RYR2: variants seen among roughly 807,000 people sequenced by gnomAD.
RYR2 encodes the protein cardiac muscle ryanodine receptor-calcium release channel.
RYR2 carries 227 observed loss-of-function variants against 601.1 expected under a neutral mutation model. The observed-to-expected ratio is 0.38, with a 90% CI of 0.34 to 0.42. The LOEUF (loss-of-function observed/expected upper bound fraction) is 0.42, where lower values mean the gene tolerates loss of function less well. RYR2 is among the 10% of genes least tolerant of loss of function. The probability of loss-of-function intolerance (pLI) is 1.00; values close to 1 mark genes in which losing one functional copy is unlikely to be tolerated. For missense variants in RYR2, 4,646 were observed against 6,156.5 expected (o/e 0.75, Z 8.21); for synonymous variants, 2,223 against 2,175.1 (o/e 1.02, Z -0.61).
chr1:237,515,866 TTC>T (rs1666458373), intron 24 of RYR2, among the ~76,000 whole-genome samples: 2 of 143,480 alleles, frequency 1.4e-5, no homozygotes, highest in African/African-American at 5.2e-5. Context: ...CTCTTCTCTC[TTC>T]TTTTCCTTCC....
At chr1:237,376,480 C>T (rs1264095608) in intron 7 of RYR2, among the ~76,000 whole-genome samples, 1 of 151,324 alleles carries the variant, frequency 6.6e-6, no homozygotes, top group Non-Finnish European at 1.5e-5. Flanking sequence ...TATGGAAACA[C>T]CATAAAGTTG....
chr1:237,776,462 TGTCA>T (rs1285176524), intron 87 of RYR2, among the ~76,000 whole-genome samples: 1 of 152,298 alleles, frequency 6.6e-6, no homozygotes, highest in Non-Finnish European at 1.5e-5. Context: ...AATAAAATCA[TGTCA>T]GTCACTTTGT....
intron 25 of RYR2, among the ~76,000 whole-genome samples, chr1:237,547,295 T>C (rs887208396): frequency 1.3e-4 from 20 of 152,266 alleles, no homozygotes; most frequent in Admixed American, 5.9e-4. Context: ...TGTGAGCCAC[T>C]GTGCCCGGCC....
chr1:237,173,852 C>A (rs1558366927), intron 1 of RYR2, among the ~76,000 whole-genome samples: 2 of 151,700 alleles, frequency 1.3e-5, no homozygotes, highest in Non-Finnish European at 2.9e-5. Flanking sequence ...GTCAGGAGAT[C>A]GAGACCATCC....
At chr1:237,549,268 AAAGAC>A (rs1200793567) in intron 26 of RYR2, among the ~76,000 whole-genome samples, 2 of 152,184 alleles carry the variant, frequency 1.3e-5, no homozygotes, top group African/African-American at 2.4e-5. Context: ...GGAAGGAAGA[AAAGAC>A]AAGACAAAAC....
chr1:237,130,841 A>C (rs1234516521), intron 1 of RYR2, among the ~76,000 whole-genome samples: 3 of 152,176 alleles, frequency 2.0e-5, no homozygotes, highest in Non-Finnish European at 4.4e-5. Context: ...TATATGATCA[A>C]TTTTTTTAGA....
At position 237,802,013 on chromosome 1, in the gene RYR2, C is replaced by T. The variant is rs10925511; in HGVS notation, c.14151+97C>T. On this transcript the variant is annotated intron_variant, in intron 98 of 104. Coordinates refer to ENST00000366574, the MANE Select transcript of RYR2 (RefSeq NM_001035.3). ...AAGGCTGGTTATTTAGAAAATGTTT[C>T]GAATACCAATTCATTTCATACAGAC... 424 of 702,262 alleles carry T rather than the reference C, an allele frequency of 6.0e-4. No homozygotes were observed. In the African/African-American group the frequency reaches 6.7e-3, roughly 11 times the overall value. The allele number at this position is 702,262 out of a possible 1,614,324, so 43.5% of individuals were successfully genotyped here.
intron 1 of RYR2, among the ~76,000 whole-genome samples, chr1:237,233,346 T>G (rs987691229): frequency 6.6e-6 from 1 of 152,202 alleles, no homozygotes; most frequent in South Asian, 2.1e-4. Context: ...TTTTTCCTTC[T>G]TGCAGTTTCT....
chr1:237,670,927 A>G (rs555315907), intron 58 of RYR2, among the ~76,000 whole-genome samples: 91 of 152,328 alleles, frequency 6.0e-4, no homozygotes, highest in South Asian at 2.9e-3. Context: ...TTCAACCTAT[A>G]TGCTTTTCTA....
chr1:237,462,720 G>A (rs1255052039), intron 16 of RYR2, among the ~76,000 whole-genome samples: 1 of 152,130 alleles, frequency 6.6e-6, no homozygotes, highest in Admixed American at 6.6e-5. Flanking sequence ...TCTCAAGGAG[G>A]CAGATCTCCC....
At chr1:237,261,975 T>C (rs1054973684) in intron 1 of RYR2, among the ~76,000 whole-genome samples, 1 of 152,180 alleles carries the variant, frequency 6.6e-6, no homozygotes, top group African/African-American at 2.4e-5. Flanking sequence ...CCTAATGAGT[T>C]CGGGGATCTT....
intron 10 of RYR2, among the ~76,000 whole-genome samples, chr1:237,410,757 G>A (rs1294875816): frequency 5.3e-5 from 8 of 152,134 alleles, no homozygotes; most frequent in South Asian, 2.1e-4. Context: ...TGGGTGTCAA[G>A]TCCAACAGTT....
intron 1 of RYR2, among the ~76,000 whole-genome samples, chr1:237,185,408 TA>T (rs1257099640): frequency 6.6e-6 from 1 of 152,222 alleles, no homozygotes; most frequent in Non-Finnish European, 1.5e-5. Flanking sequence ...TGGCTTTAGT[TA>T]AATTTTGTGC....
chr1:237,811,864 C>A (rs1661292621), intron 100 of RYR2, among the ~76,000 whole-genome samples: 3 of 152,168 alleles, frequency 2.0e-5, no homozygotes, highest in Admixed American at 1.3e-4. Flanking sequence ...TAGTGACCTA[C>A]TTGGAGGACA....
At chr1:237,548,667 A>G in intron 26 of RYR2, 77 bp downstream of exon 26, 1 of 1,528,322 alleles carries the variant, frequency 6.5e-7, no homozygotes, top group Admixed American at 1.9e-5. Context: ...AGGATTACAT[A>G]ATGACTATTT....
chr1:237,652,865 G>A (rs183115015), intron 51 of RYR2, among the ~76,000 whole-genome samples: 1 of 152,054 alleles, frequency 6.6e-6, no homozygotes, highest in Non-Finnish European at 1.5e-5. Flanking sequence ...CCTAAATTGT[G>A]TGGATGTATG....
chr1:237,749,110 T>A (rs1558337207), intron 80 of RYR2, among the ~76,000 whole-genome samples: 1 of 152,222 alleles, frequency 6.6e-6, no homozygotes, highest in Non-Finnish European at 1.5e-5. Flanking sequence ...CAGCATATAT[T>A]TGTGCACTTT....
At chr1:237,461,176 C>A (rs1410843131) in intron 16 of RYR2, among the ~76,000 whole-genome samples, 2 of 152,182 alleles carry the variant, frequency 1.3e-5, no homozygotes, top group African/African-American at 4.8e-5. Context: ...CCCCAGACTG[C>A]AAATTTTATA....
At chr1:237,374,413 C>T (rs1162314469) in intron 6 of RYR2, among the ~76,000 whole-genome samples, 1 of 151,940 alleles carries the variant, frequency 6.6e-6, no homozygotes, top group East Asian at 1.9e-4. Flanking sequence ...GTCCCAGCTA[C>T]TTGGGAACCT....
Sources: allele counts gnomAD v4.1 joint callset (sites outside exome capture counted in the v4.1 genomes callset), GRCh38; gene constraint gnomAD v4.1.1; transcripts MANE v1.5; gene names NCBI Gene and HGNC (gene_info 2026-07-23, HGNC 2026-07-21).